Variants in TANGO6 observed in about 807,000 individuals in gnomAD.
TANGO6 encodes transport and Golgi organization protein 6 homolog.
A neutral mutation model predicts 114.2 loss-of-function variants in TANGO6; 90 were observed. The ratio of observed to expected loss-of-function variants is 0.79; its 90% CI spans 0.66 to 0.94. TANGO6 has a LOEUF of 0.94. TANGO6 is among the 40% of genes least tolerant of loss of function. TANGO6 has a pLI of 0.00. For missense variants in TANGO6, 1,274 were observed against 1,315.3 expected, an observed-to-expected ratio of 0.97 and a Z score of 0.49; for synonymous variants, 477 against 509.8, an observed-to-expected ratio of 0.94 and a Z score of 0.87.
intron 12 of TANGO6, among the ~76,000 whole-genome samples, chr16:68,921,711 A>G (rs1597020938): frequency 7.1e-6 from 1 of 140,922 alleles, no homozygotes; most frequent in Admixed American, 7.8e-5. Flanking sequence ...TTCCCTTTCT[A>G]GAAGCCCATT....
At chr16:69,066,894 A>T (rs1597078072) in intron 17 of TANGO6, among the ~76,000 whole-genome samples, 2 of 152,128 alleles carry the variant, frequency 1.3e-5, no homozygotes, top group East Asian at 3.9e-4. Flanking sequence ...CTCTACAAAA[A>T]ATTTGTTTTT....
intron 7 of TANGO6, among the ~76,000 whole-genome samples, chr16:68,887,804 G>A (rs1005976925): frequency 7.9e-5 from 12 of 151,988 alleles, no homozygotes; most frequent in African/African-American, 1.2e-4. Context: ...GCTTGAACCC[G>A]GGAGGCAGAG....
chr16:68,883,175 C>T (rs1000078995), intron 7 of TANGO6, among the ~76,000 whole-genome samples: 4 of 151,952 alleles, frequency 2.6e-5, no homozygotes, highest in Non-Finnish European at 5.9e-5. Context: ...CCAGCCTGGG[C>T]AACAGAGCAA....
chr16:69,015,594 G>C (rs1476547284), intron 15 of TANGO6, among the ~76,000 whole-genome samples: 1 of 151,876 alleles, frequency 6.6e-6, no homozygotes, highest in South Asian at 2.1e-4. Context: ...CCATTCTCCT[G>C]CCTCAGCTTC....
chr16:68,847,560 G>A (rs570519261), intron 1 of TANGO6, among the ~76,000 whole-genome samples: 1 of 152,308 alleles, frequency 6.6e-6, no homozygotes, highest in East Asian at 1.9e-4. Flanking sequence ...TATGCCACAG[G>A]AAGTCATTTA....
intron 7 of TANGO6, among the ~76,000 whole-genome samples, chr16:68,894,003 T>C (rs913233716): frequency 1.3e-5 from 2 of 152,184 alleles, no homozygotes; most frequent in African/African-American, 4.8e-5. Context: ...TTGTCTGTTG[T>C]GCCTTCGCTG....
chr16:68,890,659 C>T (rs929369722), intron 7 of TANGO6, among the ~76,000 whole-genome samples: 1 of 151,484 alleles, frequency 6.6e-6, no homozygotes, highest in Non-Finnish European at 1.5e-5. Flanking sequence ...CCAAGGTGGG[C>T]GGATCGCTTG....
chr16:69,072,781 A>C (rs1219997689), intron 17 of TANGO6, among the ~76,000 whole-genome samples: 1 of 152,188 alleles, frequency 6.6e-6, no homozygotes, highest in Admixed American at 6.5e-5. Context: ...GGTTTTGCAC[A>C]GGCAGTATTG....
rs534129020 is a variant in TANGO6, at chr16:68,902,318, T to G, written c.1491-10T>G. The G allele has an allele frequency of 5.0e-5, 80 of 1,605,616 alleles. 1 individual carries two copies. In the East Asian group the frequency reaches 1.4e-3, roughly 27 times the overall value. On this transcript the variant is annotated splice_polypyrimidine_tract_variant and intron_variant, in intron 8 of 17. Transcript: ENST00000261778. Reference sequence around the variant, plus strand: ...ATGACAAGCTCATTCATAACTGCTTTTTCTGCCAGGTCACTTTGCCAAGAA... The same window carrying G: ...ATGACAAGCTCATTCATAACTGCTTGTTCTGCCAGGTCACTTTGCCAAGAA...
At chr16:68,904,504 G>C (rs1308971481) in intron 9 of TANGO6, among the ~76,000 whole-genome samples, 1 of 152,168 alleles carries the variant, frequency 6.6e-6, no homozygotes, top group Non-Finnish European at 1.5e-5. Flanking sequence ...TGAAGTCCAT[G>C]TTCTTAGTGA....
intron 7 of TANGO6, 35 bp downstream of exon 7, chr16:68,880,665 T>C: frequency 6.8e-7 from 1 of 1,467,400 alleles, no homozygotes; most frequent in Non-Finnish European, 9.1e-7. Flanking sequence ...TTTTATTTAC[T>C]TCTTATTTAA....
intron 16 of TANGO6, among the ~76,000 whole-genome samples, chr16:69,033,487 T>C (rs764044852): frequency 3.3e-5 from 5 of 152,160 alleles, no homozygotes; most frequent in Non-Finnish European, 7.4e-5. Context: ...AGTGACACGA[T>C]AGAGCCAGCA....
chr16:68,994,407 C>T (rs1488717360), intron 15 of TANGO6, among the ~76,000 whole-genome samples: 1 of 152,066 alleles, frequency 6.6e-6, no homozygotes, highest in Non-Finnish European at 1.5e-5. Flanking sequence ...CTTCCCTCTA[C>T]AGGTCCTTAC....
chr16:68,862,023 AT>A (rs879855115), intron 2 of TANGO6, among the ~76,000 whole-genome samples: 52 of 149,218 alleles, frequency 3.5e-4, no homozygotes, highest in Non-Finnish European at 5.5e-4. Context: ...TTTTTTTTTA[AT>A]TTTTTTTTTA....
At chr16:68,986,162 C>CCAGTTTA (rs1373142014) in intron 15 of TANGO6, among the ~76,000 whole-genome samples, 1 of 152,170 alleles carries the variant, frequency 6.6e-6, no homozygotes, top group Non-Finnish European at 1.5e-5. Context: ...AAGACAAGTT[C>CCAGTTTA]CAGTTTACTC....
In TANGO6 at chr16:69,024,270, CT is replaced by C. The variant is rs535262771; in HGVS notation, c.2994+1305del. On this transcript the variant is annotated intron_variant, in intron 16 of 17. Coordinates refer to ENST00000261778, the MANE Select transcript of TANGO6 (RefSeq NM_024562.2). ...TCTATGAGTGTCTTTCTCTAGCCCC[CT>C]TTTTTTTTTTTTTGAGACAGAGTCT... 9.1e-3 allele frequency among the ~76,000 whole-genome samples: 1,224 copies of C among 135,082 alleles called. 5 individuals carry two copies. The highest frequency in any genetic ancestry group is 0.022 in the African/African-American group (802 of 36,978). The allele number at this position is 135,082 out of a possible 152,430, so 88.6% of individuals were successfully genotyped here.
In TANGO6 at chr16:69,067,518, C is replaced by CAAAAAAAAAAAAAAAAA. The variant is rs1199698790; in HGVS notation, c.3109-15964_3109-15948dup. Among the ~76,000 whole-genome samples the CAAAAAAAAAAAAAAAAA allele has an allele frequency of 3.4e-3, 149 of 43,714 alleles. 12 individuals carry two copies. The highest frequency in any genetic ancestry group is 5.4e-3 in the African/African-American group (55 of 10,166). The allele number at this position is 43,714 out of a possible 152,430, so 28.7% of individuals were successfully genotyped here. On this transcript the variant is annotated intron_variant, in intron 17 of 17. Coordinates refer to ENST00000261778, the MANE Select transcript of TANGO6 (RefSeq NM_024562.2). ...AGGCAACAAGAGCAAAACTCCATCT[C>CAAAAAAAAAAAAAAAAA]AAAAAAAAAAAAAAAAAAACGCTGG... is the stretch of plus-strand genomic sequence containing the variant.
intron 14 of TANGO6, among the ~76,000 whole-genome samples, chr16:68,954,296 C>T (rs967600978): frequency 4.7e-5 from 7 of 147,590 alleles, no homozygotes; most frequent in Middle Eastern, 3.3e-3. Context: ...TTGTAGGATG[C>T]GAAACAGCAA....
At chr16:68,960,014 G>A (rs1451912419) in intron 14 of TANGO6, among the ~76,000 whole-genome samples, 1 of 152,214 alleles carries the variant, frequency 6.6e-6, no homozygotes, top group Non-Finnish European at 1.5e-5. Flanking sequence ...TTGGCGGACA[G>A]AGAAGTACCC....
Sources: allele counts gnomAD v4.1 joint callset (sites outside exome capture counted in the v4.1 genomes callset), GRCh38; gene constraint gnomAD v4.1.1; transcripts MANE v1.5; gene names NCBI Gene and HGNC (gene_info 2026-07-23, HGNC 2026-07-21).